PCDHA2: variants seen among roughly 807,000 people sequenced by gnomAD.
PCDHA2 encodes protocadherin alpha 2.
In PCDHA2, 58 loss-of-function variants were observed where a neutral mutation model predicts 66.0. The observed-to-expected ratio is 0.88, with a 90% CI of 0.71 to 1.09. PCDHA2 has a LOEUF of 1.09. PCDHA2 is among the 50% of genes least tolerant of loss of function. The pLI is 0.00. For synonymous variants in PCDHA2, 634 were observed against 554.0 expected (o/e 1.14, Z -2.03); for missense variants, 1,267 against 1,242.3 (o/e 1.02, Z -0.30).
intron 1 of PCDHA2, chr5:140,811,095 G>A (rs1167006415): frequency 3.3e-5 from 5 of 152,252 alleles, no homozygotes; most frequent in South Asian, 2.1e-4. Context: ...TGCCATGTTC[G>A]TTTGCTGCAC....
chr5:140,901,681 T>C (rs144868677), intron 1 of PCDHA2, among the ~76,000 whole-genome samples: 8 of 152,316 alleles, frequency 5.3e-5, no homozygotes, highest in African/African-American at 1.7e-4. Context: ...TTAGGTATTA[T>C]GGGTATTTTG....
intron 1 of PCDHA2, chr5:140,884,356 C>T: frequency 6.2e-7 from 1 of 1,613,936 alleles, no homozygotes; most frequent in South Asian, 1.1e-5. Flanking sequence ...TGGTGGATGT[C>T]AATGTTTACT....
chr5:140,834,050 T>C (rs1772774316), intron 1 of PCDHA2, among the ~76,000 whole-genome samples: 1 of 152,196 alleles, frequency 6.6e-6, no homozygotes, highest in African/African-American at 2.4e-5. Flanking sequence ...TAAGAATGCT[T>C]CTAACAATCA....
chr5:140,961,985 G>A (rs782724308), intron 1 of PCDHA2, among the ~76,000 whole-genome samples: 30 of 151,692 alleles, frequency 2.0e-4, no homozygotes, highest in Non-Finnish European at 4.0e-4. Context: ...CTGGGTTCAC[G>A]CCATTGTCCT....
intron 1 of PCDHA2, chr5:140,822,752 C>T (rs200831175): frequency 3.1e-6 from 5 of 1,613,700 alleles, no homozygotes; most frequent in Middle Eastern, 1.6e-4. Flanking sequence ...GATAAAAGTA[C>T]ATTCCCATTA....
chr5:140,906,965 G>T (rs1273243518), intron 1 of PCDHA2, among the ~76,000 whole-genome samples: 1 of 152,124 alleles, frequency 6.6e-6, no homozygotes, highest in Non-Finnish European at 1.5e-5. Flanking sequence ...ATGGAATCGT[G>T]GTTGTGTCTT....
At chr5:140,925,800 C>T (rs1318763578) in intron 1 of PCDHA2, among the ~76,000 whole-genome samples, 5 of 152,070 alleles carry the variant, frequency 3.3e-5, no homozygotes, top group African/African-American at 1.2e-4. Context: ...AGTACTTTCC[C>T]CTCCACTTCT....
chr5:140,939,811 A>G (rs1554212933), intron 1 of PCDHA2, among the ~76,000 whole-genome samples: 1 of 152,224 alleles, frequency 6.6e-6, no homozygotes, highest in African/African-American at 2.4e-5. Context: ...CATGTTCAAG[A>G]AAAAGCAGTA....
chr5:140,812,818 T>C (rs1235510383), intron 1 of PCDHA2: 3 of 152,242 alleles, frequency 2.0e-5, no homozygotes, highest in Non-Finnish European at 4.4e-5. Flanking sequence ...TATTGTGTTG[T>C]GTTTTCATTT....
chr5:140,842,850 T>G (rs2150346345), intron 1 of PCDHA2: 1 of 1,593,838 alleles, frequency 6.3e-7, no homozygotes, highest in Non-Finnish European at 8.6e-7. Flanking sequence ...TACATTTCGG[T>G]GCACACGGAG....
intron 1 of PCDHA2, among the ~76,000 whole-genome samples, chr5:140,909,874 T>G (rs778631778): frequency 2.6e-4 from 39 of 152,184 alleles, no homozygotes; most frequent in Admixed American, 5.2e-4. Context: ...CAACGTCAGC[T>G]TAGAGACACT....
chr5:140,801,617 G>GT, intron 1 of PCDHA2: 1 of 1,614,148 alleles, frequency 6.2e-7, no homozygotes. Context: ...TAAAGAATCT[G>GT]TTTATTTCCG....
At chr5:140,856,405 C>A in intron 1 of PCDHA2, 1 of 1,598,432 alleles carries the variant, frequency 6.3e-7, no homozygotes, top group Non-Finnish European at 8.6e-7. Flanking sequence ...TCCATGTGGA[C>A]GTGGAAGTGA....
intron 1 of PCDHA2, chr5:140,850,767 G>A: frequency 1.3e-6 from 2 of 1,598,126 alleles, no homozygotes; most frequent in Admixed American, 1.7e-5. Flanking sequence ...GAGGCAGAGG[G>A]TGTGCTCTGG....
intron 1 of PCDHA2, chr5:140,809,830 G>T: frequency 2.8e-6 from 1 of 354,946 alleles, no homozygotes; most frequent in Non-Finnish European, 5.0e-6. Context: ...CACCCTCTTT[G>T]TTTTTGGTAA....
At position 140,853,431 on chromosome 5, in the gene PCDHA2, T is replaced by C; in HGVS notation, c.2388+56079T>C. 3.0e-6 allele frequency: 3 copies of C among 985,312 alleles called. No homozygotes were observed. In the African/African-American group the frequency reaches 5.3e-5, roughly 17 times the overall value. The allele number at this position is 985,312 out of a possible 1,614,324, so 61.0% of individuals were successfully genotyped here. On this transcript the variant is annotated intron_variant, in intron 1 of 3. Coordinates refer to ENST00000526136, the MANE Select transcript of PCDHA2 (RefSeq NM_018905.3). ...AGAGGTGAAAGCAGAAGAGACACTTTCCTATTTTGCCTAATAGGTCTCCTT... is the reference window on the plus strand; with the variant it reads ...AGAGGTGAAAGCAGAAGAGACACTTCCCTATTTTGCCTAATAGGTCTCCTT...
At position 140,801,950 on chromosome 5, in the gene PCDHA2, A is replaced by T. The variant is rs1053967488; in HGVS notation, c.2388+4598A>T. The T allele has an allele frequency of 1.9e-5, 30 of 1,614,076 alleles. No individual in the cohort carries two copies. In the Middle Eastern group the frequency reaches 1.6e-3, roughly 88 times the overall value. ...AGAGGACGATCTATAAAGTCAGATT[A>T]CTCGAAAATGCACCAAATGGTACCC... On this transcript the variant is annotated intron_variant, in intron 1 of 3. Coordinates refer to ENST00000526136, the MANE Select transcript of PCDHA2 (RefSeq NM_018905.3).
Position 140,843,712 on chromosome 5 carries a change from C to G in PCDHA2, c.2388+46360C>G. ...AAGATTTAAATGTTGATCATGGCCT[C>G]AAAGTAAGTCCATTTAAATTTAGAA... On this transcript the variant is annotated intron_variant, in intron 1 of 3. Transcript: ENST00000526136. 3.2e-6 allele frequency: 5 copies of G among 1,569,886 alleles called. 1 individual carries two copies. Among genetic ancestry groups the G allele is most frequent in the Non-Finnish European group, 4.4e-6 (5 of 1,144,038 alleles).
At chr5:140,910,105 T>C (rs1021391817) in intron 1 of PCDHA2, among the ~76,000 whole-genome samples, 11 of 152,202 alleles carry the variant, frequency 7.2e-5, no homozygotes, top group African/African-American at 2.7e-4. Flanking sequence ...CCCCTTCATT[T>C]AAGGGATTCT....
Sources: allele counts gnomAD v4.1 joint callset (sites outside exome capture counted in the v4.1 genomes callset), GRCh38; gene constraint gnomAD v4.1.1; transcripts MANE v1.5; gene names NCBI Gene and HGNC (gene_info 2026-07-23, HGNC 2026-07-21).